Variants in ARHGAP23 observed in about 807,000 individuals in gnomAD.
ARHGAP23 encodes the protein Rho GTPase activating protein 23.
Under a neutral mutation model 136.3 loss-of-function variants are expected in ARHGAP23, and 34 were observed. The ratio of observed to expected loss-of-function variants is 0.25; its 90% CI spans 0.19 to 0.33. ARHGAP23 has a LOEUF of 0.33. Ranked by LOEUF, ARHGAP23 falls within the 10% of genes least tolerant of loss-of-function variation. ARHGAP23 has a pLI of 1.00. For synonymous variants in ARHGAP23, 832 were observed against 920.5 expected (o/e 0.90, Z 1.74); for missense variants, 1,808 against 2,139.0 (o/e 0.85, Z 3.05).
intron 1 of ARHGAP23, among the ~76,000 whole-genome samples, chr17:38,456,527 A>G (rs1448025301): frequency 6.6e-6 from 1 of 152,146 alleles, no homozygotes; most frequent in Non-Finnish European, 1.5e-5. Context: ...TGAGGGGAGT[A>G]AGGAGTGTTG....
chr17:38,499,031 G>A, intron 22 of ARHGAP23: 4 of 698,946 alleles, frequency 5.7e-6, no homozygotes, highest in Non-Finnish European at 1.0e-5. Context: ...ACAGCGGCAG[G>A]CAGAATGTCC....
chr17:38,475,509 G>A (rs1417339860), intron 11 of ARHGAP23, among the ~76,000 whole-genome samples: 7 of 152,082 alleles, frequency 4.6e-5, no homozygotes. Context: ...TCACAGCTCA[G>A]GATCCACACG....
At chr17:38,441,042 G>A (rs1192455025) in intron 1 of ARHGAP23, among the ~76,000 whole-genome samples, 5 of 152,256 alleles carry the variant, frequency 3.3e-5, no homozygotes. Flanking sequence ...CCACAGCGCA[G>A]GTGGGCAGAG....
rs973539353 is a variant in ARHGAP23, at chr17:38,499,030, G to A, written c.3415+520G>A. On this transcript the variant is annotated intron_variant, in intron 22 of 23. Coordinates refer to ENST00000622683, the MANE Select transcript of ARHGAP23 (RefSeq NM_001199417.2). The stretch of plus-strand genomic sequence containing the variant: ...AGAAGGCTGGGTGGGCACAGCGGCA[G>A]GCAGAATGTCCCGGACTGTGAGGAC... 5 of 699,184 alleles carry A rather than the reference G, an allele frequency of 7.2e-6. No homozygotes were observed. In the East Asian group the frequency reaches 1.3e-4, roughly 19 times the overall value. 43.3% of individuals were successfully genotyped at this position (699,184 alleles called of 1,614,324 possible). A position where few individuals can be genotyped will look rare whatever the true frequency, so the allele number is the denominator to read the frequency against.
intron 16 of ARHGAP23, among the ~76,000 whole-genome samples, chr17:38,484,117 G>A (rs186966353): frequency 6.6e-6 from 1 of 152,308 alleles, no homozygotes; most frequent in African/African-American, 2.4e-5. Context: ...ATACGAATGC[G>A]GAGGGCAGGG....
chr17:38,447,670 G>C (rs773335660), intron 1 of ARHGAP23, among the ~76,000 whole-genome samples: 2 of 152,126 alleles, frequency 1.3e-5, no homozygotes, highest in Non-Finnish European at 2.9e-5. Flanking sequence ...AAAATCCCTT[G>C]TTTTCAAGGA....
At chr17:38,487,495 G>A in intron 17 of ARHGAP23, among the ~76,000 whole-genome samples, 1 of 152,258 alleles carries the variant, frequency 6.6e-6, no homozygotes, top group Admixed American at 6.5e-5. Flanking sequence ...TGAGAAAGAG[G>A]CCCTGGTTTA....
At chr17:38,460,628 C>T (rs889113623) in intron 2 of ARHGAP23, among the ~76,000 whole-genome samples, 2 of 152,176 alleles carry the variant, frequency 1.3e-5, no homozygotes, top group Non-Finnish European at 2.9e-5. Flanking sequence ...CCTCGTTGGG[C>T]TGGGAGCTCC....
intron 20 of ARHGAP23, among the ~76,000 whole-genome samples, chr17:38,492,687 C>G (rs150265654): frequency 1.3e-5 from 2 of 152,322 alleles, no homozygotes; most frequent in East Asian, 3.9e-4. Context: ...TGCCCATCTC[C>G]CTCCTTCACT....
rs548325865 is a variant in ARHGAP23 at position 38,421,052 on chromosome 17, G to A, written n.120+1653G>A. ...CAAGTAGCCCATCTGCCCATCATTGGCCTTCATCAGCCCTCCGTAACTGTT... is the reference window on the plus strand; with the variant it reads ...CAAGTAGCCCATCTGCCCATCATTGACCTTCATCAGCCCTCCGTAACTGTT... On this transcript the variant is annotated intron_variant and non_coding_transcript_variant, in intron 1 of 4. Coordinates refer to the ARHGAP23 transcript ENST00000633445. Among the ~76,000 whole-genome samples, 6 of 152,084 alleles carry A rather than the reference G, an allele frequency of 3.9e-5. No individual in the cohort carries two copies. In the South Asian group the frequency reaches 1.2e-3, roughly 32 times the overall value.
Position 38,498,488 on chromosome 17 carries a change from GC to G in ARHGAP23, c.3398del (p.Pro1133LeufsTer150). ...TCCTGCCCAACATTGGCAGGACAGT[GC>G]CCCCTGGCGACCCGGGGTCAGGTGA... ...YLLPNIGRTV[P>X]PGDPGSDSTT... On this transcript the variant is annotated frameshift_variant, in exon 22 of 24. Transcript: ENST00000622683. LOFTEE classifies it high-confidence loss of function. The G allele has an allele frequency of 6.5e-7, 1 of 1,547,966 alleles. No homozygotes were observed. Among genetic ancestry groups the G allele is most frequent in the Non-Finnish European group, 8.7e-7 (1 of 1,145,980 alleles).
intron 23 of ARHGAP23, chr17:38,500,946 A>G: frequency 5.5e-6 from 2 of 365,436 alleles, no homozygotes; most frequent in Non-Finnish European, 9.8e-6. Context: ...ACCATTTAGT[A>G]GTTTGGGACA....
intron 1 of ARHGAP23, among the ~76,000 whole-genome samples, chr17:38,450,025 G>C (rs1372093864): frequency 2.0e-5 from 3 of 152,182 alleles, no homozygotes; most frequent in African/African-American, 4.8e-5. Context: ...ATCCTCTCCT[G>C]TGAGGGATAG....
At chr17:38,504,976 ATCTTTTTTTTTTTTT>A (rs2040598834) in intron 23 of ARHGAP23, among the ~76,000 whole-genome samples, 1 of 54,020 alleles carries the variant, frequency 1.9e-5, no homozygotes, top group African/African-American at 5.4e-5. Flanking sequence ...CTCCCTTATC[ATCTTTTTTTTTTTTT>A]TTTTTTTTTT....
chr17:38,443,932 G>A (rs1042041953), intron 1 of ARHGAP23, among the ~76,000 whole-genome samples: 17 of 152,148 alleles, frequency 1.1e-4, no homozygotes, highest in African/African-American at 3.9e-4. Flanking sequence ...CACACCTAGA[G>A]CTTTCCCCTA....
intron 1 of ARHGAP23, among the ~76,000 whole-genome samples, chr17:38,436,487 A>C (rs1391476747): frequency 6.6e-6 from 1 of 152,174 alleles, no homozygotes; most frequent in Non-Finnish European, 1.5e-5. Flanking sequence ...TGGGAGGCCC[A>C]GGGCTTGGGA....
Position 38,457,783 on chromosome 17 carries a change from G to C in ARHGAP23, c.64-319G>C, listed in dbSNP as rs1412768529. 14 of 475,028 alleles carry C rather than the reference G, an allele frequency of 2.9e-5. No homozygotes were observed. In the East Asian group the frequency reaches 5.7e-4, roughly 19 times the overall value. 29.4% of individuals were successfully genotyped at this position (475,028 alleles called of 1,614,324 possible). The stretch of plus-strand genomic sequence containing the variant: ...GGCTGTATCCAGGGTCCTGCACATA[G>C]TAGGTGCTCAGTGAACATTTGCTGA... On this transcript the variant is annotated intron_variant, in intron 1 of 23. Coordinates refer to ENST00000622683, the MANE Select transcript of ARHGAP23 (RefSeq NM_001199417.2).
At chr17:38,428,626 C>T (rs2038614446) in intron 1 of ARHGAP23, 78 bp downstream of exon 1, 3 of 1,007,342 alleles carry the variant, frequency 3.0e-6, no homozygotes, top group South Asian at 5.7e-5. Context: ...GTCGCTGCGA[C>T]CCCGCTCGCC....
At position 38,460,965 on chromosome 17, in the gene ARHGAP23, C is replaced by T. The variant is rs988009912; in HGVS notation, c.253+33C>T. On this transcript the variant is annotated intron_variant, in intron 3 of 23. Transcript: ENST00000622683. The stretch of plus-strand genomic sequence containing the variant: ...AGGACTGGCGGGCGCTGGACCTGCA[C>T]GGGACTCCTCTTCCAGCTCCTGTCT... The T allele has an allele frequency of 2.8e-5, 43 of 1,534,692 alleles. 1 individual carries two copies. In the African/African-American group the frequency reaches 3.3e-4, roughly 12 times the overall value.
Sources: allele counts gnomAD v4.1 joint callset (sites outside exome capture counted in the v4.1 genomes callset), GRCh38; gene constraint gnomAD v4.1.1; transcripts MANE v1.5; gene names NCBI Gene and HGNC (gene_info 2026-07-23, HGNC 2026-07-21).